Variants in PARD3B observed in about 807,000 individuals in gnomAD.
PARD3B encodes the protein partitioning defective 3 homolog B.
A neutral mutation model predicts 130.2 loss-of-function variants in PARD3B; 103 were observed. The ratio of observed to expected loss-of-function variants is 0.79; its 90% CI spans 0.67 to 0.93. PARD3B has a LOEUF of 0.93. PARD3B is among the 40% of genes least tolerant of loss of function. The pLI is 0.00. For missense variants in PARD3B, 1,609 were observed against 1,499.2 expected (o/e 1.07, Z -1.21); for synonymous variants, 583 against 553.2 (o/e 1.05, Z -0.76).
chr2:205,279,628 G>A (rs1432010906), intron 16 of PARD3B, among the ~76,000 whole-genome samples: 1 of 152,130 alleles, frequency 6.6e-6, no homozygotes, highest in Non-Finnish European at 1.5e-5. Context: ...TGTGCAATGT[G>A]AGAGTCCTCC....
intron 2 of PARD3B, among the ~76,000 whole-genome samples, chr2:204,758,569 G>A (rs1370063033): frequency 1.3e-5 from 2 of 152,172 alleles, no homozygotes; most frequent in Non-Finnish European, 2.9e-5. Flanking sequence ...GAAAACTGCA[G>A]GTGCTTTAGA....
chr2:205,174,374 T>C (rs1465081406), intron 12 of PARD3B, among the ~76,000 whole-genome samples: 2 of 152,212 alleles, frequency 1.3e-5, no homozygotes, highest in Non-Finnish European at 2.9e-5. Flanking sequence ...TTACATGCTT[T>C]CCATGGGGAA....
At chr2:205,096,245 T>G (rs749155683) in intron 4 of PARD3B, among the ~76,000 whole-genome samples, 1 of 150,824 alleles carries the variant, frequency 6.6e-6, no homozygotes, top group Non-Finnish European at 1.5e-5. Context: ...TTAAAAATCT[T>G]CTTATCCCCA....
Position 204,824,930 on chromosome 2 carries a change from C to T in PARD3B, c.222+138648C>T, listed in dbSNP as rs73066673. The stretch of plus-strand genomic sequence containing the variant: ...AGCCACCATCACATGCTCTGGGCGG[C>T]GTATGTGTTCTCATTGGTGGTTGCT... On this transcript the variant is annotated intron_variant, in intron 2 of 22. Coordinates refer to ENST00000406610, the MANE Select transcript of PARD3B (RefSeq NM_001302769.2). Among the ~76,000 whole-genome samples, 960 of 152,202 alleles carry T rather than the reference C, an allele frequency of 6.3e-3. 9 individuals are homozygous for T. The highest frequency in any genetic ancestry group is 0.021 in the African/African-American group (890 of 41,534).
intron 18 of PARD3B, among the ~76,000 whole-genome samples, chr2:205,390,235 C>T (rs1462450193): frequency 6.9e-6 from 1 of 144,114 alleles, no homozygotes; most frequent in Non-Finnish European, 1.5e-5. Context: ...GGGGAAAAAA[C>T]AATTCTATGA....
intron 15 of PARD3B, 93 bp downstream of exon 15, chr2:205,193,413 C>A (rs767176903): frequency 1.5e-5 from 14 of 952,414 alleles, no homozygotes; most frequent in Non-Finnish European, 2.3e-5. Context: ...CAACTCAAAC[C>A]TCAGGGAACA....
chr2:205,322,636 G>C (rs2042789720), intron 18 of PARD3B, among the ~76,000 whole-genome samples: 1 of 152,122 alleles, frequency 6.6e-6, no homozygotes, highest in South Asian at 2.1e-4. Flanking sequence ...GAGATAGTTT[G>C]ATTCTGGGTG....
chr2:204,647,245 C>G (rs1336128301), intron 1 of PARD3B, among the ~76,000 whole-genome samples: 1 of 151,486 alleles, frequency 6.6e-6, no homozygotes, highest in African/African-American at 2.4e-5. Flanking sequence ...GTCGTTTATT[C>G]TTTTCTGTAA....
chr2:204,926,052 T>A (rs1013159702), intron 2 of PARD3B, among the ~76,000 whole-genome samples: 1 of 152,068 alleles, frequency 6.6e-6, no homozygotes, highest in African/African-American at 2.4e-5. Flanking sequence ...TACCCAGTCT[T>A]GGGTAGCACC....
At chr2:205,145,372 T>C (rs1309191712) in intron 10 of PARD3B, among the ~76,000 whole-genome samples, 1 of 152,024 alleles carries the variant, frequency 6.6e-6, no homozygotes, top group East Asian at 1.9e-4. Flanking sequence ...AAATGAAACA[T>C]CATTTATCCA....
intron 11 of PARD3B, among the ~76,000 whole-genome samples, chr2:205,171,204 C>T (rs2035156400): frequency 6.6e-6 from 1 of 152,228 alleles, no homozygotes; most frequent in Non-Finnish European, 1.5e-5. Flanking sequence ...TTCGTAATCA[C>T]AGCTGTGCTT....
chr2:204,792,869 G>C (rs2042244229), intron 2 of PARD3B, among the ~76,000 whole-genome samples: 2 of 151,428 alleles, frequency 1.3e-5, no homozygotes, highest in South Asian at 4.2e-4. Flanking sequence ...CTCTTAATCT[G>C]GGTTACTGAA....
At chr2:205,252,445 A>G (rs1366164751) in intron 16 of PARD3B, among the ~76,000 whole-genome samples, 2 of 152,170 alleles carry the variant, frequency 1.3e-5, no homozygotes, top group Non-Finnish European at 2.9e-5. Flanking sequence ...AACCTCACAG[A>G]GGAAATATTG....
intron 20 of PARD3B, among the ~76,000 whole-genome samples, chr2:205,450,709 C>A (rs2048070860): frequency 6.6e-6 from 1 of 152,004 alleles, no homozygotes; most frequent in Non-Finnish European, 1.5e-5. Context: ...CTCCTGACCT[C>A]AGGTGATCCG....
At chr2:205,178,220 A>AT (rs1222861393) in intron 13 of PARD3B, among the ~76,000 whole-genome samples, 5 of 68,778 alleles carry the variant, frequency 7.3e-5, no homozygotes, top group East Asian at 7.6e-4. Flanking sequence ...CCCAGCTACT[A>AT]TGGGGGGGGA....
intron 21 of PARD3B, among the ~76,000 whole-genome samples, chr2:205,510,809 C>T (rs910181553): frequency 1.3e-5 from 2 of 152,128 alleles, no homozygotes; most frequent in Non-Finnish European, 2.9e-5. Flanking sequence ...ACAACCAGAT[C>T]GTTAATAAAA....
At chr2:204,976,574 T>TA (rs1432478062) in intron 3 of PARD3B, among the ~76,000 whole-genome samples, 1 of 147,434 alleles carries the variant, frequency 6.8e-6, no homozygotes, top group Non-Finnish European at 1.5e-5. Context: ...GAGGAAAAAA[T>TA]AAAAAAACTC....
intron 19 of PARD3B, among the ~76,000 whole-genome samples, chr2:205,415,778 A>G (rs1020538491): frequency 6.6e-6 from 1 of 152,182 alleles, no homozygotes; most frequent in East Asian, 1.9e-4. Context: ...TGTGTGAACC[A>G]ACATGGGAAT....
intron 18 of PARD3B, among the ~76,000 whole-genome samples, chr2:205,338,097 G>A (rs1309852367): frequency 7.0e-6 from 1 of 143,130 alleles, no homozygotes; most frequent in Non-Finnish European, 1.5e-5. Flanking sequence ...AGGTTGCAGT[G>A]AGCTGAGATT....
Sources: allele counts gnomAD v4.1 joint callset (sites outside exome capture counted in the v4.1 genomes callset), GRCh38; gene constraint gnomAD v4.1.1; transcripts MANE v1.5; gene names NCBI Gene and HGNC (gene_info 2026-07-23, HGNC 2026-07-21).